The following TMTC2 variants were observed in gnomAD, a reference collection of about 807,000 sequenced individuals.
TMTC2 encodes the protein transmembrane O-mannosyltransferase targeting cadherins 2.
Under a neutral mutation model 82.4 loss-of-function variants are expected in TMTC2, and 43 were observed. The observed-to-expected ratio is 0.52, with a 90% CI of 0.41 to 0.67. The LOEUF (loss-of-function observed/expected upper bound fraction) is 0.67, where lower values mean the gene tolerates loss of function less well. TMTC2 is among the 30% of genes least tolerant of loss of function. The pLI is 0.00. For synonymous variants in TMTC2, 408 were observed against 381.9 expected, an observed-to-expected ratio of 1.07 and a Z score of -0.80; for missense variants, 919 against 1,012.4, an observed-to-expected ratio of 0.91 and a Z score of 1.25.
intron 1 of TMTC2, among the ~76,000 whole-genome samples, chr12:82,750,490 A>G (rs766761544): frequency 8.5e-5 from 13 of 152,112 alleles, no homozygotes; most frequent in Non-Finnish European, 1.8e-4. Flanking sequence ...GGGGATAGAG[A>G]TTGCATCAGA....
At chr12:82,755,881 T>C (rs1876292938) in intron 1 of TMTC2, among the ~76,000 whole-genome samples, 1 of 152,018 alleles carries the variant, frequency 6.6e-6, no homozygotes, top group Non-Finnish European at 1.5e-5. Context: ...AAAATAGGGG[T>C]TTTTATCATA....
intron 11 of TMTC2, among the ~76,000 whole-genome samples, chr12:83,081,285 T>C (rs1233732190): frequency 6.6e-6 from 1 of 152,212 alleles, no homozygotes; most frequent in Non-Finnish European, 1.5e-5. Context: ...ATTACTTTGC[T>C]CTGGCCTGAC....
chr12:83,134,716 A>C lies in TMTC2; in HGVS notation c.*2327A>C, dbSNP rs928333619. 6 of 152,248 alleles carry C rather than the reference A, an allele frequency of 3.9e-5. No homozygotes were observed. Among genetic ancestry groups the C allele is most frequent in the Admixed American group, 2.6e-4 (4 of 15,286 alleles). 9.4% of individuals were successfully genotyped at this position (152,248 alleles called of 1,614,324 possible). The stretch of plus-strand genomic sequence containing the variant: ...GACAGTGCTAAAAATATAGAGCACA[A>C]GACAAGTTTACTAAATTAAAATTTT... On this transcript the variant is annotated 3_prime_UTR_variant, in exon 12 of 12. Coordinates refer to ENST00000321196, the MANE Select transcript of TMTC2 (RefSeq NM_152588.3).
chr12:82,821,449 A>C (rs1314810679), intron 1 of TMTC2, among the ~76,000 whole-genome samples: 1 of 152,184 alleles, frequency 6.6e-6, no homozygotes, highest in Non-Finnish European at 1.5e-5. Flanking sequence ...ACAGTCTTCT[A>C]TTTCTCATAT....
intron 10 of TMTC2, among the ~76,000 whole-genome samples, chr12:83,054,258 T>C (rs1051623510): frequency 3.9e-5 from 6 of 152,086 alleles, no homozygotes; most frequent in East Asian, 3.9e-4. Context: ...CTAACTTAGC[T>C]GATACAAAAT....
chr12:83,129,629 A>C (rs1885201082), intron 11 of TMTC2, among the ~76,000 whole-genome samples: 1 of 152,206 alleles, frequency 6.6e-6, no homozygotes, highest in South Asian at 2.1e-4. Context: ...AACCTTAAAA[A>C]GGCTAGAAAG....
At chr12:82,831,475 C>A (rs931239152) in intron 1 of TMTC2, among the ~76,000 whole-genome samples, 1 of 152,156 alleles carries the variant, frequency 6.6e-6, no homozygotes, top group Non-Finnish European at 1.5e-5. Flanking sequence ...TTATAACATA[C>A]GGCCTGGCAG....
chr12:83,071,161 GT>G (rs71068973), intron 11 of TMTC2, among the ~76,000 whole-genome samples: 16 of 135,450 alleles, frequency 1.2e-4, no homozygotes, highest in African/African-American at 2.2e-4. Context: ...TTTTTTTTTT[GT>G]TTTTTTTTTT....
At chr12:82,952,754 G>A (rs1877414002) in intron 4 of TMTC2, among the ~76,000 whole-genome samples, 1 of 152,060 alleles carries the variant, frequency 6.6e-6, no homozygotes, top group Admixed American at 6.6e-5. Context: ...TTTGTTTTTA[G>A]TAGAGACGAG....
intron 4 of TMTC2, among the ~76,000 whole-genome samples, chr12:82,955,387 G>T (rs1345019958): frequency 6.6e-6 from 1 of 152,112 alleles, no homozygotes; most frequent in Non-Finnish European, 1.5e-5. Context: ...TTTGCGTTCA[G>T]CTCTGTCCAA....
intron 11 of TMTC2, among the ~76,000 whole-genome samples, chr12:83,062,193 C>T (rs1882768733): frequency 6.6e-6 from 1 of 151,642 alleles, no homozygotes; most frequent in South Asian, 2.1e-4. Context: ...CATTAAATAC[C>T]TATTATTGTT....
At chr12:82,750,514 A>G (rs979679679) in intron 1 of TMTC2, among the ~76,000 whole-genome samples, 3 of 152,136 alleles carry the variant, frequency 2.0e-5, no homozygotes, top group Non-Finnish European at 4.4e-5. Flanking sequence ...AATCAAGTTG[A>G]TTATTTTATG....
In TMTC2 at chr12:82,901,629, T is replaced by A. The variant is rs76945752; in HGVS notation, c.1483+4983T>A. 9.5e-3 allele frequency among the ~76,000 whole-genome samples: 1,448 copies of A among 152,262 alleles called. 38 individuals are homozygous for A. The East Asian group carries it at 0.1, about 11-fold the overall frequency. Reference sequence around the variant, plus strand: ...GACTCTCACCTCACCTCCCAGCTTGTATTTCTTGCCTTTTAGCATGTCTTG... The same window carrying A: ...GACTCTCACCTCACCTCCCAGCTTGAATTTCTTGCCTTTTAGCATGTCTTG... On this transcript the variant is annotated intron_variant, in intron 3 of 11. Coordinates refer to ENST00000321196, the MANE Select transcript of TMTC2 (RefSeq NM_152588.3).
intron 8 of TMTC2, among the ~76,000 whole-genome samples, chr12:82,989,757 T>C (rs1879323480): frequency 6.6e-6 from 1 of 151,474 alleles, no homozygotes; most frequent in Admixed American, 6.6e-5. Context: ...AGGAGGCTTT[T>C]TTTTTTTTCA....
At chr12:82,875,499 A>T (rs1053969131) in intron 2 of TMTC2, among the ~76,000 whole-genome samples, 1 of 152,268 alleles carries the variant, frequency 6.6e-6, no homozygotes, top group East Asian at 1.9e-4. Flanking sequence ...CAGGTATACT[A>T]GTGAGCTCAT....
At chr12:82,903,565 C>A (rs957008849) in intron 3 of TMTC2, among the ~76,000 whole-genome samples, 1 of 152,098 alleles carries the variant, frequency 6.6e-6, no homozygotes, top group Non-Finnish European at 1.5e-5. Context: ...GCGCCCGCCA[C>A]CACGCCCAGC....
At chr12:83,080,591 G>T (rs529115545) in intron 11 of TMTC2, among the ~76,000 whole-genome samples, 1 of 152,210 alleles carries the variant, frequency 6.6e-6, no homozygotes, top group Non-Finnish European at 1.5e-5. Context: ...ACAGCTAGTG[G>T]CAGAAACAGA....
At chr12:82,723,952 A>G (rs930194680) in intron 1 of TMTC2, among the ~76,000 whole-genome samples, 7 of 152,130 alleles carry the variant, frequency 4.6e-5, no homozygotes, top group African/African-American at 1.7e-4. Context: ...CCATTTTGTC[A>G]TTTATCCAGG....
At chr12:83,082,218 T>C (rs1479907274) in intron 11 of TMTC2, among the ~76,000 whole-genome samples, 1 of 152,214 alleles carries the variant, frequency 6.6e-6, no homozygotes, top group African/African-American at 2.4e-5. Context: ...TCATTTGAAT[T>C]TTCAGCTCTG....
Sources: gnomAD v4.1 joint callset for allele counts (sites outside exome capture counted in the v4.1 genomes callset) on GRCh38, gnomAD v4.1.1 for gene constraint, MANE v1.5 for transcripts, NCBI Gene and HGNC (gene_info 2026-07-23, HGNC 2026-07-21) for gene names.